The following ARFGEF1 variants were observed in gnomAD, a reference collection of about 807,000 sequenced individuals.
ARFGEF1 encodes the protein brefeldin A-inhibited guanine nucleotide-exchange protein 1.
ARFGEF1 carries 42 observed loss-of-function variants against 231.0 expected under a neutral mutation model. The observed-to-expected ratio is 0.18, with a 90% CI of 0.14 to 0.24. The LOEUF (loss-of-function observed/expected upper bound fraction) is 0.24, where lower values mean the gene tolerates loss of function less well. ARFGEF1 is among the 10% of genes least tolerant of loss of function. The pLI, the probability that ARFGEF1 is intolerant of heterozygous loss-of-function variation, is 1.00. For synonymous variants in ARFGEF1, 710 were observed against 732.3 expected, an observed-to-expected ratio of 0.97 and a Z score of 0.49; for missense variants, 1,345 against 2,192.0, an observed-to-expected ratio of 0.61 and a Z score of 7.72.
chr8:67,213,117 G>A (rs1019751335), intron 33 of ARFGEF1, among the ~76,000 whole-genome samples: 2 of 152,160 alleles, frequency 1.3e-5, no homozygotes, highest in African/African-American at 4.8e-5. Context: ...CACGGGCCCA[G>A]CATAGATGTC....
downstream of ARFGEF1, chr8:67,193,713 C>CT: frequency 1.9e-5 from 18 of 932,410 alleles, no homozygotes; most frequent in Non-Finnish European, 2.9e-5. Context: ...GTTTGAAGAC[C>CT]TTTGAGTTGT....
At position 67,198,878 on chromosome 8, in the gene ARFGEF1, A is replaced by G. The variant is rs1201796144; in HGVS notation, c.*56T>C. 1 of 1,588,146 alleles carries G rather than the reference A, an allele frequency of 6.3e-7. No individual in the cohort carries two copies. Among genetic ancestry groups the G allele is most frequent in the Non-Finnish European group, 8.5e-7 (1 of 1,172,164 alleles). Reference sequence around the variant, plus strand: ...TTTTCAGGTAGGAAACCTCAGCTCCAGCGTCCTTTTAAAGAGCAGAGGGAT... The same window carrying G: ...TTTTCAGGTAGGAAACCTCAGCTCCGGCGTCCTTTTAAAGAGCAGAGGGAT... On this transcript the variant is annotated 3_prime_UTR_variant, in exon 39 of 39. Coordinates refer to ENST00000262215, the MANE Select transcript of ARFGEF1 (RefSeq NM_006421.5).
intron 1 of ARFGEF1, among the ~76,000 whole-genome samples, chr8:67,319,414 G>T (rs1807473479): frequency 6.7e-6 from 1 of 150,090 alleles, no homozygotes; most frequent in South Asian, 2.1e-4. Flanking sequence ...AACTATAGAT[G>T]ATTAATTTTT....
intron 14 of ARFGEF1, 67 bp from the exon 15 acceptor site, chr8:67,259,993 C>A: frequency 1.8e-6 from 2 of 1,101,718 alleles, no homozygotes; most frequent in Non-Finnish European, 2.6e-6. Context: ...AGATCTTAAA[C>A]CACAGTAAAT....
intron 5 of ARFGEF1, chr8:67,177,795 C>A: frequency 1.9e-6 from 2 of 1,041,528 alleles, no homozygotes; most frequent in Non-Finnish European, 3.0e-6. Context: ...ATATGATGAT[C>A]AAGTAATTCA....
chr8:67,207,601 A>G (rs1038646107), intron 34 of ARFGEF1, among the ~76,000 whole-genome samples: 2 of 152,238 alleles, frequency 1.3e-5, no homozygotes, highest in Non-Finnish European at 2.9e-5. Context: ...GAGCAAAGCT[A>G]AGCAGATTTT....
chr8:67,260,031 CTTAT>C (rs1452598619), intron 14 of ARFGEF1, 105 bp from the exon 15 acceptor site: 7 of 641,286 alleles, frequency 1.1e-5, no homozygotes, highest in Non-Finnish European at 1.9e-5. Context: ...AAAATAGTAG[CTTAT>C]TTAATACACA....
intron 1 of ARFGEF1, among the ~76,000 whole-genome samples, chr8:67,340,066 T>C (rs1298952386): frequency 2.6e-5 from 4 of 152,140 alleles, no homozygotes; most frequent in Admixed American, 6.5e-5. Context: ...TTCATGAGTA[T>C]AGTTTACAGA....
At chr8:67,297,340 A>C (rs550283691) in intron 4 of ARFGEF1, among the ~76,000 whole-genome samples, 186 of 152,278 alleles carry the variant, frequency 1.2e-3, no homozygotes, top group Non-Finnish European at 1.9e-3. Context: ...ATCTTTTTTT[A>C]ACACACTGAA....
intron 1 of ARFGEF1, among the ~76,000 whole-genome samples, chr8:67,339,115 T>C (rs995006333): frequency 1.3e-5 from 2 of 152,204 alleles, no homozygotes; most frequent in African/African-American, 4.8e-5. Context: ...TTACAGGTAA[T>C]AGACTCTTAT....
chr8:67,201,871 G>A (rs1384906033), intron 36 of ARFGEF1: 1 of 391,722 alleles, frequency 2.6e-6, no homozygotes, highest in East Asian at 6.8e-5. Flanking sequence ...CCAAAGCTGT[G>A]GAAGGGGCCA....
intron 7 of ARFGEF1, among the ~76,000 whole-genome samples, chr8:67,278,941 C>A (rs955802177): frequency 2.6e-5 from 4 of 151,992 alleles, no homozygotes; most frequent in Non-Finnish European, 5.9e-5. Flanking sequence ...GTGCTAAATA[C>A]CACTATAGCT....
intron 7 of ARFGEF1, among the ~76,000 whole-genome samples, chr8:67,283,919 C>A (rs923832895): frequency 1.3e-5 from 2 of 152,130 alleles, no homozygotes; most frequent in Admixed American, 1.3e-4. Flanking sequence ...AGGAATTTAG[C>A]AATAGCTAAC....
downstream of ARFGEF1, among the ~76,000 whole-genome samples, chr8:67,194,228 A>G (rs1837238269): frequency 6.6e-6 from 1 of 152,216 alleles, no homozygotes; most frequent in Admixed American, 6.5e-5. Context: ...ACACTTTCAT[A>G]TTGGTAATAA....
At chr8:67,201,093 G>GTTTT (rs1447433833) in intron 37 of ARFGEF1, among the ~76,000 whole-genome samples, 1 of 152,140 alleles carries the variant, frequency 6.6e-6, no homozygotes, top group Admixed American at 6.5e-5. Context: ...AAGTAAAAGA[G>GTTTT]TAAAAAAAGT....
chr8:67,296,701 A>G, intron 4 of ARFGEF1, 91 bp from the exon 5 acceptor site: 1 of 1,003,038 alleles, frequency 1.0e-6, no homozygotes, highest in Non-Finnish European at 1.4e-6. Context: ...CCCAGGCTGG[A>G]GTGCAGTAGT....
chr8:67,283,349 T>C (rs1434995670), intron 7 of ARFGEF1, among the ~76,000 whole-genome samples: 2 of 152,098 alleles, frequency 1.3e-5, no homozygotes, highest in Non-Finnish European at 2.9e-5. Flanking sequence ...AATGCTAGTA[T>C]TAACAGGAGA....
intron 1 of ARFGEF1, among the ~76,000 whole-genome samples, chr8:67,336,181 T>C (rs1808339857): frequency 6.6e-6 from 1 of 152,230 alleles, no homozygotes; most frequent in Non-Finnish European, 1.5e-5. Flanking sequence ...TTAAATATTC[T>C]TAAATACTTG....
chr8:67,258,059 T>C, intron 16 of ARFGEF1, 26 bp downstream of exon 16: 5 of 1,578,360 alleles, frequency 3.2e-6, no homozygotes, highest in Non-Finnish European at 4.4e-6. Context: ...TAACAGACAA[T>C]CAATGAGCAT....
Sources: allele counts gnomAD v4.1 joint callset (sites outside exome capture counted in the v4.1 genomes callset), GRCh38; gene constraint gnomAD v4.1.1; transcripts MANE v1.5; gene names NCBI Gene and HGNC (gene_info 2026-07-23, HGNC 2026-07-21).